FANCE: variants seen among roughly 807,000 people sequenced by gnomAD.
FANCE encodes Fanconi anemia group E protein.
FANCE carries 42 observed loss-of-function variants against 57.8 expected under a neutral mutation model. That is an observed-to-expected ratio of 0.73 (90% CI 0.57 to 0.94). The LOEUF (loss-of-function observed/expected upper bound fraction) is 0.94, where lower values mean the gene tolerates loss of function less well. Among genes scored for constraint, FANCE ranks in the 40% least tolerant of loss-of-function variants. The probability of loss-of-function intolerance (pLI) is 0.00; values close to 1 mark genes in which losing one functional copy is unlikely to be tolerated. For synonymous variants in FANCE, 251 were observed against 286.4 expected, an observed-to-expected ratio of 0.88 and a Z score of 1.25; for missense variants, 608 against 661.8, an observed-to-expected ratio of 0.92 and a Z score of 0.89.
At chr6:35,461,708 T>C (rs1204936468) in intron 8 of FANCE, among the ~76,000 whole-genome samples, 1 of 149,722 alleles carries the variant, frequency 6.7e-6, no homozygotes, top group African/African-American at 2.5e-5. Context: ...AGTGCAGTGG[T>C]GCGATCTCAG....
At position 35,452,432 on chromosome 6, in the gene FANCE, G is replaced by T; in HGVS notation, c.-114G>T. The T allele has an allele frequency of 3.7e-6, 4 of 1,089,246 alleles. No homozygotes were observed. The highest frequency in any genetic ancestry group is 4.6e-6 in the Non-Finnish European group (4 of 867,220). 67.5% of individuals were successfully genotyped at this position (1,089,246 alleles called of 1,614,324 possible). On this transcript the variant is annotated 5_prime_UTR_variant, in exon 1 of 10. Coordinates refer to ENST00000229769, the MANE Select transcript of FANCE (RefSeq NM_021922.3). ...CGAGGAGAGCTTGTAACAGGCGCTGGAGCTGGCCCGCCACCGCCGCGTCAG... is the reference window on the plus strand; with the variant it reads ...CGAGGAGAGCTTGTAACAGGCGCTGTAGCTGGCCCGCCACCGCCGCGTCAG...
rs1767347400 is a variant in FANCE, at chr6:35,456,436, T to C, written c.855+83T>C. On this transcript the variant is annotated intron_variant, in intron 2 of 9. Coordinates refer to ENST00000229769, the MANE Select transcript of FANCE (RefSeq NM_021922.3). The surrounding 1 kb of genome is among the most constrained non-coding windows in gnomAD (Gnocchi z 4.3). ...ATGGGGAAGGCTGCTTGGGACACTTTTTCCCAATGGAGTTGACTGTAGTTC... is the reference window on the plus strand; with the variant it reads ...ATGGGGAAGGCTGCTTGGGACACTTCTTCCCAATGGAGTTGACTGTAGTTC... 4.5e-6 allele frequency: 7 copies of C among 1,572,828 alleles called. No homozygotes were observed. The highest frequency in any genetic ancestry group is 2.2e-5 in the South Asian group (2 of 89,854).
chr6:35,455,202 C>G (rs1767274601), intron 1 of FANCE, among the ~76,000 whole-genome samples: 1 of 152,170 alleles, frequency 6.6e-6, no homozygotes. Flanking sequence ...TGAGCTGAAA[C>G]AGATGACAGA....
intron 9 of FANCE, 50 bp downstream of exon 9, chr6:35,462,964 G>A (rs1241558710): frequency 6.2e-7 from 1 of 1,611,708 alleles, no homozygotes; most frequent in Non-Finnish European, 8.5e-7. Context: ...GGGCTGCCCT[G>A]GGCCTGCCAC....
At chr6:35,457,149 A>G (rs556142685) in intron 2 of FANCE, among the ~76,000 whole-genome samples, 8 of 151,796 alleles carry the variant, frequency 5.3e-5, no homozygotes, top group African/African-American at 1.5e-4. Context: ...TCCTCGAGAC[A>G]GGGTCCCTCT....
chr6:35,460,040 G>C (rs1248976580), intron 7 of FANCE, among the ~76,000 whole-genome samples: 2 of 149,278 alleles, frequency 1.3e-5, no homozygotes, highest in Non-Finnish European at 2.9e-5. Context: ...CTCCCTGGCA[G>C]TTGTATGAGC....
Position 35,456,449 on chromosome 6 carries a change from T to C in FANCE, c.855+96T>C. The C allele has an allele frequency of 6.7e-7, 1 of 1,490,146 alleles. No homozygotes were observed. The highest frequency in any genetic ancestry group is 1.1e-5 in the South Asian group (1 of 88,002). The allele number at this position is 1,490,146 out of a possible 1,614,324, so 92.3% of individuals were successfully genotyped here. On this transcript the variant is annotated intron_variant, in intron 2 of 9. Transcript: ENST00000229769. The surrounding 1 kb of genome is among the most constrained non-coding windows in gnomAD (Gnocchi z 4.3). ...CTTGGGACACTTTTTCCCAATGGAG[T>C]TGACTGTAGTTCCTGGAGGAAGAAG...
intron 9 of FANCE, among the ~76,000 whole-genome samples, chr6:35,463,786 C>T (rs963511072): frequency 3.3e-5 from 5 of 151,562 alleles, no homozygotes; most frequent in South Asian, 2.1e-4. Context: ...CTCAGCCTCC[C>T]GAGTAGCTGG....
intron 1 of FANCE, among the ~76,000 whole-genome samples, chr6:35,453,667 C>T (rs1767204247): frequency 6.6e-6 from 1 of 152,158 alleles, no homozygotes; most frequent in African/African-American, 2.4e-5. Context: ...TGCTTAATTT[C>T]TTATGTTTTA....
At position 35,466,260 on chromosome 6, in the gene FANCE, G is replaced by T; in HGVS notation, c.1526G>T (p.Arg509Met). 6.2e-7 allele frequency: 1 copy of T among 1,612,196 alleles called. No homozygotes were observed. Among genetic ancestry groups the T allele is most frequent in the Non-Finnish European group, 8.5e-7 (1 of 1,178,222 alleles). ...KYQANITETQ[R>M]LGLAMALEPN... ...TCTCCCCAGATCACTGAGACCCAGA[G>T]GCTGGGCCTGGCTATGGCCCTAGAA... Residue 509 changes from arginine (R) to methionine (M), a missense_variant, in exon 10 of 10, where the codon AGG becomes ATG. Coordinates refer to ENST00000229769, the MANE Select transcript of FANCE (RefSeq NM_021922.3).
At chr6:35,459,230 T>G in intron 5 of FANCE, 101 bp from the exon 6 acceptor site, 1 of 1,513,326 alleles carries the variant, frequency 6.6e-7, no homozygotes, top group South Asian at 1.1e-5. Flanking sequence ...TTGGTTTTTT[T>G]TTTCCTTTGT....
rs1271528691 is a variant in FANCE at position 35,456,613 on chromosome 6, C to G, written c.855+260C>G. On this transcript the variant is annotated intron_variant, in intron 2 of 9. Coordinates refer to ENST00000229769, the MANE Select transcript of FANCE (RefSeq NM_021922.3). This position sits in a 1 kb window ranked among gnomAD's most constrained non-coding sequence, Gnocchi z 4.3. Reference sequence around the variant, plus strand: ...CACCGCAACCTCTGCCTCCCGGGTTCAAGCGATTCTCCTGCCTCAGCTTCC... The same window carrying G: ...CACCGCAACCTCTGCCTCCCGGGTTGAAGCGATTCTCCTGCCTCAGCTTCC... 6.6e-6 allele frequency among the ~76,000 whole-genome samples: 1 copy of G among 152,092 alleles called. No homozygotes were observed. Among genetic ancestry groups the G allele is most frequent in the Non-Finnish European group, 1.5e-5 (1 of 68,014 alleles).
intron 2 of FANCE, 69 bp from the exon 3 acceptor site, chr6:35,457,487 A>G (rs2150893267): frequency 6.4e-7 from 1 of 1,566,632 alleles, no homozygotes; most frequent in East Asian, 2.2e-5. Context: ...CAGTAGGGGG[A>G]GCCAGAACCG....
chr6:35,457,884 T>C, intron 3 of FANCE, 32 bp from the exon 4 acceptor site: 1 of 1,588,728 alleles, frequency 6.3e-7, no homozygotes, highest in Non-Finnish European at 8.6e-7. Flanking sequence ...CTGAGGGCTC[T>C]GCCAGCCCTA....
At position 35,458,419 on chromosome 6, in the gene FANCE, C is replaced by A. The variant is rs776318917; in HGVS notation, c.1092C>A (p.Thr364=). 1 of 1,614,170 alleles carries A rather than the reference C, an allele frequency of 6.2e-7. No individual in the cohort carries two copies. Among genetic ancestry groups the A allele is most frequent in the South Asian group, 1.1e-5 (1 of 91,086 alleles). ...GCCTCAGCAATGCTACTGTGCTGAC[C>A]AGAAGCCTCTTTCTTGGACGGGTAG... is the stretch of plus-strand genomic sequence containing the variant. ...DLSLSNATVL[T]RSLFLGRILS... Residue 364 remains threonine, a synonymous_variant, in exon 5 of 10, where the codon ACC becomes ACA. Transcript: ENST00000229769.
In FANCE at chr6:35,458,371, G is replaced by C. The variant is rs751388323; in HGVS notation, c.1044G>C (p.Leu348=). 2 of 1,614,180 alleles carry C rather than the reference G, an allele frequency of 1.2e-6. No individual in the cohort carries two copies. Among genetic ancestry groups the C allele is most frequent in the Admixed American group, 1.7e-5 (1 of 60,022 alleles). ...GTCTCCTGCGGCTCTGCACCTGGCTGCTGGCCCTTTCACCTGATCTCAGCC... is the reference window on the plus strand; with the variant it reads ...GTCTCCTGCGGCTCTGCACCTGGCTCCTGGCCCTTTCACCTGATCTCAGCC... ...DLGLLRLCTW[L]LALSPDLSLS... The change falls in exon 5 of 10, where the codon CTG becomes CTC. Residue 348 remains leucine (L), a synonymous_variant. Transcript: ENST00000229769.
chr6:35,462,395 C>T (rs1767628999), intron 8 of FANCE, among the ~76,000 whole-genome samples: 1 of 152,308 alleles, frequency 6.6e-6, no homozygotes, highest in South Asian at 2.1e-4. Context: ...GCATGAGCCA[C>T]CGTGCCTAGC....
rs1275096968 is a variant in FANCE, at chr6:35,456,490, GA to G, written c.855+138del. ...GAGGAAGAAGGAGGAAGGTAGGGTT[GA>G]GGGAATGTAGCCTCCACTCTACAGA... On this transcript the variant is annotated intron_variant, in intron 2 of 9. Transcript: ENST00000229769. This position sits in a 1 kb window ranked among gnomAD's most constrained non-coding sequence, Gnocchi z 4.3. 7.9e-6 allele frequency: 9 copies of G among 1,146,378 alleles called. 1 individual carries two copies. The highest frequency in any genetic ancestry group is 1.2e-5 in the Non-Finnish European group (9 of 762,614). The allele number at this position is 1,146,378 out of a possible 1,614,324, so 71.0% of individuals were successfully genotyped here. A position where few individuals can be genotyped will look rare whatever the true frequency, so the allele number is the denominator to read the frequency against.
rs150278839 is a variant in FANCE at position 35,456,097 on chromosome 6, G to A, written c.599G>A (p.Arg200His). 2.2e-5 allele frequency: 36 copies of A among 1,614,026 alleles called. No individual in the cohort carries two copies. Among genetic ancestry groups the A allele is most frequent in the South Asian group, 6.6e-5 (6 of 91,078 alleles). Residue 200 changes from arginine to histidine, a missense_variant, in exon 2 of 10, where the codon CGC (arginine) becomes CAC (histidine). Transcript: ENST00000229769. This position sits in a 1 kb window ranked among gnomAD's most constrained non-coding sequence, Gnocchi z 4.3. ...ENRDSQQPGKRRKDSEEEAAS... is the reference protein window; with the variant it reads ...ENRDSQQPGKHRKDSEEEAAS... ...AGGGACTCCCAGCAGCCTGGGAAAC[G>A]CAGAAAGGACTCAGAGGAAGAGGCT...
Sources: gnomAD v4.1 joint callset for allele counts (sites outside exome capture counted in the v4.1 genomes callset) on GRCh38, gnomAD v4.1.1 for gene constraint, Gnocchi (gnomAD v3.1) non-coding constraint, MANE v1.5 for transcripts, NCBI Gene and HGNC (gene_info 2026-07-23, HGNC 2026-07-21) for gene names.